The following RNF123 variants were observed in gnomAD, a reference collection of about 807,000 sequenced individuals.
RNF123 encodes the protein ring finger protein 123, also known as E3 ubiquitin-protein ligase RNF123.
RNF123 carries 86 observed loss-of-function variants against 168.5 expected under a neutral mutation model. That is an observed-to-expected ratio of 0.51 (90% CI 0.43 to 0.61). RNF123 has a LOEUF of 0.61. Ranked by LOEUF, RNF123 falls within the 20% of genes least tolerant of loss-of-function variation. The probability of loss-of-function intolerance (pLI) is 0.00; values close to 1 mark genes in which losing one functional copy is unlikely to be tolerated. For synonymous variants in RNF123, 666 were observed against 689.1 expected, an observed-to-expected ratio of 0.97 and a Z score of 0.52; for missense variants, 1,419 against 1,729.7, an observed-to-expected ratio of 0.82 and a Z score of 3.19.
chr3:49,699,348 A>G lies in RNF123; in HGVS notation c.765-120A>G. On this transcript the variant is annotated intron_variant, in intron 10 of 38. Transcript: ENST00000327697. This position sits in a 1 kb window ranked among gnomAD's most constrained non-coding sequence, Gnocchi z 4.8. ...TCCTCCCTAGGGAGAATAAGTGGGC[A>G]AGTTGTGATGCAAACCAGCCCTGCC... The G allele has an allele frequency of 1.0e-6, 1 of 1,001,086 alleles. No homozygotes were observed. Among genetic ancestry groups the G allele is most frequent in the Non-Finnish European group, 1.5e-6 (1 of 672,668 alleles). The allele number at this position is 1,001,086 out of a possible 1,614,324, so 62.0% of individuals were successfully genotyped here. A position where few individuals can be genotyped will look rare whatever the true frequency, so the allele number is the denominator to read the frequency against.
chr3:49,701,714 C>A, intron 16 of RNF123, 97 bp from the exon 17 acceptor site: 2 of 1,465,240 alleles, frequency 1.4e-6, no homozygotes, highest in Non-Finnish European at 1.9e-6. Flanking sequence ...GCCCTGGTCC[C>A]TGAAGCCCTG....
At position 49,716,093 on chromosome 3, in the gene RNF123, C is replaced by G. The variant is rs2080239087; in HGVS notation, c.3340-9C>G. Reference sequence around the variant, plus strand: ...CCCATCCACCAATGGACTCCTGCTCCCCTCACAGCTGCTAAACCAGGTGCT... The same window carrying G: ...CCCATCCACCAATGGACTCCTGCTCGCCTCACAGCTGCTAAACCAGGTGCT... On this transcript the variant is annotated splice_polypyrimidine_tract_variant and intron_variant, in intron 33 of 38. Coordinates refer to ENST00000327697, the MANE Select transcript of RNF123 (RefSeq NM_022064.5). 8 of 1,613,770 alleles carry G rather than the reference C, an allele frequency of 5.0e-6. No individual in the cohort carries two copies. The highest frequency in any genetic ancestry group is 6.8e-6 in the Non-Finnish European group (8 of 1,179,970).
At chr3:49,708,155 G>T (rs1489904913) in intron 26 of RNF123, among the ~76,000 whole-genome samples, 1 of 152,040 alleles carries the variant, frequency 6.6e-6, no homozygotes, top group Non-Finnish European at 1.5e-5. Flanking sequence ...GTAGAGACAG[G>T]GTTTCACTTT....
chr3:49,714,915 T>G (rs1229110817), intron 31 of RNF123, among the ~76,000 whole-genome samples: 1 of 152,224 alleles, frequency 6.6e-6, no homozygotes, highest in Non-Finnish European at 1.5e-5. Context: ...ACACAGCAAG[T>G]CCTTGCCAAT....
At chr3:49,720,382 C>A in intron 35 of RNF123, 129 bp from the exon 36 acceptor site, 1 of 916,534 alleles carries the variant, frequency 1.1e-6, no homozygotes, top group Non-Finnish European at 1.5e-6. Context: ...GTTTGGGAAG[C>A]AGGGAGACGG....
At position 49,697,457 on chromosome 3, in the gene RNF123, G is replaced by T; in HGVS notation, c.342G>T (p.Gly114=). 6.3e-7 allele frequency: 1 copy of T among 1,595,606 alleles called. No homozygotes were observed. Among genetic ancestry groups the T allele is most frequent in the Non-Finnish European group, 8.5e-7 (1 of 1,170,598 alleles). ...TCCTGGTGGATGATGACCTGCTGGGGGTGAGTGAGGGTGAGGTGTGGAGAC... is the reference window on the plus strand; with the variant it reads ...TCCTGGTGGATGATGACCTGCTGGGTGTGAGTGAGGGTGAGGTGTGGAGAC... ...GLLLVDDDLL[G]VIGHSNFGTI... The change falls in exon 5 of 39, where the codon GGG becomes GGT. Residue 114 remains glycine (G), a splice_region_variant and synonymous_variant. Coordinates refer to ENST00000327697, the MANE Select transcript of RNF123 (RefSeq NM_022064.5).
rs772692778 is a variant in RNF123, at chr3:49,720,628, C to G, written c.3618C>G (p.Asp1206Glu). ...PAPGTALPAPDRKRFSLQSYA... is the reference protein window; with the variant it reads ...PAPGTALPAPERKRFSLQSYA... ...CTGGCACTGCTCTGCCAGCCCCTGA[C>G]CGGAAGCGCTTCTCCCTGCAGAGCT... Residue 1206 changes from aspartate (D) to glutamate (E), a missense_variant, in exon 36 of 39, where the codon GAC becomes GAG. By Grantham distance (45) the Asp-to-Glu change is conservative. This residue lies in a region of RNF123 where 164 missense variants were observed against 152.3 expected (regional missense o/e 1.08). Coordinates refer to ENST00000327697, the MANE Select transcript of RNF123 (RefSeq NM_022064.5). 1 of 1,602,400 alleles carries G rather than the reference C, an allele frequency of 6.2e-7. No homozygotes were observed. Among genetic ancestry groups the G allele is most frequent in the Non-Finnish European group, 8.5e-7 (1 of 1,171,994 alleles).
At chr3:49,703,362 G>A in intron 20 of RNF123, 65 bp from the exon 21 acceptor site, 3 of 1,319,902 alleles carry the variant, frequency 2.3e-6, no homozygotes, top group East Asian at 2.4e-5. Flanking sequence ...TTGGAGGGGA[G>A]GGCTGTGGGG....
chr3:49,717,945 G>A lies in RNF123; in HGVS notation c.3500+1468G>A, dbSNP rs772371913. 5.0e-6 allele frequency: 8 copies of A among 1,608,760 alleles called. No individual in the cohort carries two copies. The South Asian group carries it at 6.6e-5, about 13-fold the overall frequency. On this transcript the variant is annotated intron_variant, in intron 35 of 38. Coordinates refer to ENST00000327697, the MANE Select transcript of RNF123 (RefSeq NM_022064.5). ...TGGGGGCCTGGGTGGGGGAGCCCTGGGCAGTCTAGGTTGTCATGGGACCCT... is the reference window on the plus strand; with the variant it reads ...TGGGGGCCTGGGTGGGGGAGCCCTGAGCAGTCTAGGTTGTCATGGGACCCT...
rs754537795 is a variant in RNF123 at position 49,717,989 on chromosome 3, C to T, written c.3500+1512C>T. On this transcript the variant is annotated intron_variant, in intron 35 of 38. Transcript: ENST00000327697. ...GGACCCTCGGAGCCTATGGAGCTGGCGGACTCAGAGCCAGCCTTCAGCTGC... is the reference window on the plus strand; with the variant it reads ...GGACCCTCGGAGCCTATGGAGCTGGTGGACTCAGAGCCAGCCTTCAGCTGC... 28 of 1,613,366 alleles carry T rather than the reference C, an allele frequency of 1.7e-5. No homozygotes were observed. The South Asian group carries it at 2.3e-4, about 13-fold the overall frequency.
chr3:49,700,347 A>T lies in RNF123; in HGVS notation c.1105A>T (p.Met369Leu), dbSNP rs773616003. 3.7e-6 allele frequency: 6 copies of T among 1,614,168 alleles called. No individual in the cohort carries two copies. In the South Asian group the frequency reaches 6.6e-5, roughly 18 times the overall value. ...GGTCCTGGACCTCTTGTGGCTCTTC[A>T]TGGAGGTGAGGCTCCTGACCTCAGG... ...HQVLDLLWLF[M>L]EDYEVQDCLK... The change falls in exon 13 of 39, where the codon ATG (methionine) becomes TTG (leucine). Residue 369 changes from methionine (M) to leucine (L), a missense_variant. Transcript: ENST00000327697.
chr3:49,716,076 C>T (rs2080238409), intron 33 of RNF123, 26 bp from the exon 34 acceptor site: 15 of 1,613,716 alleles, frequency 9.3e-6, no homozygotes, highest in Non-Finnish European at 1.3e-5. Flanking sequence ...TCCCCATCCA[C>T]CAATGGACTC....
Position 49,713,931 on chromosome 3 carries a change from C to A in RNF123, c.2859C>A (p.Asn953Lys). 6.2e-7 allele frequency: 1 copy of A among 1,613,962 alleles called. No individual in the cohort carries two copies. The highest frequency in any genetic ancestry group is 8.5e-7 in the Non-Finnish European group (1 of 1,179,944). Residue 953 changes from asparagine (N) to lysine (K), a missense_variant, in exon 30 of 39, where the codon AAC becomes AAA. Physicochemically the swap from Asn to Lys is moderately conservative, Grantham distance 94. Around this residue, in one of 5 missense-constraint regions of RNF123, gnomAD observed 538 missense variants for 708.8 expected, o/e 0.76. Transcript: ENST00000327697. ...ACAGGCGTATCGCCATGGTGAGGAACCTCCTGGCGCCCTATGAGCAGCGGC... is the reference window on the plus strand; with the variant it reads ...ACAGGCGTATCGCCATGGTGAGGAAACTCCTGGCGCCCTATGAGCAGCGGC... The part of the protein sequence containing the change: ...PEEQRIAMVR[N>K]LLAPYEQRPW...
At chr3:49,695,871 C>T (rs942586845) in intron 3 of RNF123, among the ~76,000 whole-genome samples, 1 of 152,136 alleles carries the variant, frequency 6.6e-6, no homozygotes, top group Non-Finnish European at 1.5e-5. Context: ...TTAGACAGTA[C>T]CCTTTTCCCT....
intron 32 of RNF123, 25 bp downstream of exon 32, chr3:49,715,739 G>A (rs753020578): frequency 8.1e-6 from 13 of 1,614,112 alleles, no homozygotes; most frequent in Non-Finnish European, 5.1e-6. Flanking sequence ...GGCCTCGTGG[G>A]TTAGGGTGGT....
chr3:49,708,507 G>C (rs2080078401), intron 26 of RNF123, among the ~76,000 whole-genome samples: 1 of 139,112 alleles, frequency 7.2e-6, no homozygotes, highest in Non-Finnish European at 1.6e-5. Flanking sequence ...GCGGCTCACA[G>C]ACCCCCAGCT....
chr3:49,705,295 C>T, intron 23 of RNF123, 113 bp downstream of exon 23: 1 of 1,336,802 alleles, frequency 7.5e-7, no homozygotes, highest in South Asian at 1.4e-5. Context: ...TGTGGCCTGG[C>T]AGCATCCCAG....
rs1385848329 is a variant in RNF123, at chr3:49,699,336, G to A, written c.765-132G>A. ...GAATGTGAAGCATCCTCCCTAGGGA[G>A]AATAAGTGGGCAAGTTGTGATGCAA... On this transcript the variant is annotated intron_variant, in intron 10 of 38. Transcript: ENST00000327697. This position sits in a 1 kb window ranked among gnomAD's most constrained non-coding sequence, Gnocchi z 4.8. 2.0e-5 allele frequency: 19 copies of A among 961,660 alleles called. No homozygotes were observed. The highest frequency in any genetic ancestry group is 3.0e-5 in the Non-Finnish European group (19 of 638,326). The allele number at this position is 961,660 out of a possible 1,614,324, so 59.6% of individuals were successfully genotyped here.
At position 49,705,175 on chromosome 3, in the gene RNF123, T is replaced by G; in HGVS notation, c.2151T>G (p.Arg717=). 1 of 1,601,634 alleles carries G rather than the reference T, an allele frequency of 6.2e-7. No homozygotes were observed. The highest frequency in any genetic ancestry group is 8.5e-7 in the Non-Finnish European group (1 of 1,173,840). Residue 717 remains arginine (R), a synonymous_variant, in exon 23 of 39, where the codon CGT becomes CGG. Coordinates refer to ENST00000327697, the MANE Select transcript of RNF123 (RefSeq NM_022064.5). Reference sequence around the variant, plus strand: ...CGCTGAGCGTGGAGCAGAGGACCCGTGAGGACAGTAGGTGCTTGGTGGGGT... The same window carrying G: ...CGCTGAGCGTGGAGCAGAGGACCCGGGAGGACAGTAGGTGCTTGGTGGGGT... ...VRTLSVEQRT[R]EDIEGSHWNE...
Sources: gnomAD v4.1 joint callset for allele counts (sites outside exome capture counted in the v4.1 genomes callset) on GRCh38, gnomAD v4.1.1 for gene constraint, gnomAD v4.1.1 regional missense constraint, Gnocchi (gnomAD v3.1) non-coding constraint, MANE v1.5 for transcripts, NCBI Gene and HGNC (gene_info 2026-07-23, HGNC 2026-07-21) for gene names.